The following SBNO2 variants were observed in gnomAD, a reference collection of about 807,000 sequenced individuals.
SBNO2 encodes the protein protein strawberry notch homolog 2.
In SBNO2, 89 loss-of-function variants were observed where a neutral mutation model predicts 146.3. The ratio of observed to expected loss-of-function variants is 0.61; its 90% CI spans 0.51 to 0.73. SBNO2 has a LOEUF of 0.73. Ranked by LOEUF, SBNO2 falls within the 30% of genes least tolerant of loss-of-function variation. SBNO2 has a pLI of 0.00. For missense variants in SBNO2, 2,092 were observed against 2,003.7 expected (o/e 1.04, Z -0.84); for synonymous variants, 1,147 against 892.6 (o/e 1.29, Z -5.08).
chr19:1,153,621 T>A (rs1014474406), intron 2 of SBNO2, among the ~76,000 whole-genome samples: 1 of 151,852 alleles, frequency 6.6e-6, no homozygotes, highest in Non-Finnish European at 1.5e-5. Flanking sequence ...CACTGCAGCC[T>A]CTGCCTCCTA....
At chr19:1,152,391 C>G (rs1460816818) in intron 2 of SBNO2, among the ~76,000 whole-genome samples, 1 of 152,160 alleles carries the variant, frequency 6.6e-6, no homozygotes, top group African/African-American at 2.4e-5. Context: ...TGGATTAGTC[C>G]CCAGGGTGTG....
chr19:1,123,321 C>A (rs1391490035), intron 7 of SBNO2, among the ~76,000 whole-genome samples: 1 of 152,086 alleles, frequency 6.6e-6, no homozygotes, highest in East Asian at 1.9e-4. Flanking sequence ...TAAAAATCCT[C>A]CCAGTGCCTC....
rs928023885 is a variant in SBNO2, at chr19:1,122,574, G to A, written c.915-16C>T. The A allele has an allele frequency of 4.9e-5, 75 of 1,526,488 alleles. No individual in the cohort carries two copies. Among genetic ancestry groups the A allele is most frequent in the African/African-American group, 1.2e-4 (9 of 72,662 alleles). 94.6% of individuals were successfully genotyped at this position (1,526,488 alleles called of 1,614,324 possible). ...GACGCTGAACCTGCGGGGTGGGGGC[G>A]TCAGGCGCGCCCACCCTTCCCCCTC... On this transcript the variant is annotated splice_polypyrimidine_tract_variant and intron_variant, in intron 9 of 31. Coordinates refer to ENST00000361757, the MANE Select transcript of SBNO2 (RefSeq NM_014963.3).
At chr19:1,127,086 G>A (rs201404137) in intron 5 of SBNO2, among the ~76,000 whole-genome samples, 5 of 152,188 alleles carry the variant, frequency 3.3e-5, no homozygotes, top group Non-Finnish European at 5.9e-5. Context: ...CCCCACTAGC[G>A]GGGACACGGC....
In SBNO2 at chr19:1,112,394, G is replaced by T. The variant is rs1213977749; in HGVS notation, c.2515+8C>A. The T allele has an allele frequency of 6.3e-7, 1 of 1,597,506 alleles. No homozygotes were observed. The highest frequency in any genetic ancestry group is 8.5e-7 in the Non-Finnish European group (1 of 1,175,452). On this transcript the variant is annotated splice_region_variant and intron_variant, in intron 21 of 31. Transcript: ENST00000361757. The surrounding 1 kb of genome is among the most constrained non-coding windows in gnomAD (Gnocchi z 5.9). Reference sequence around the variant, plus strand: ...GCCAGGCAGCGCTGGGGGCGGGGCCGGACTCACCGAACTGCTGGATGGCGC... The same window carrying T: ...GCCAGGCAGCGCTGGGGGCGGGGCCTGACTCACCGAACTGCTGGATGGCGC...
At chr19:1,130,868 G>C (rs1013926642) in intron 4 of SBNO2, among the ~76,000 whole-genome samples, 3 of 152,166 alleles carry the variant, frequency 2.0e-5, no homozygotes, top group Non-Finnish European at 4.4e-5. Context: ...ACGCAGCCTC[G>C]AGGCCCCGCC....
rs2080088008 is a variant in SBNO2, at chr19:1,136,742, A to G, written c.280-8977T>C. Among the ~76,000 whole-genome samples the G allele has an allele frequency of 6.6e-6, 1 of 152,174 alleles. No individual in the cohort carries two copies. The highest frequency in any genetic ancestry group is 6.5e-5 in the Admixed American group (1 of 15,280). ...AGGCATCTGACCCCTGCTGAAACGC[A>G]TCTGCAGAACAGTCAATGCTGCCTG... On this transcript the variant is annotated intron_variant, in intron 4 of 31. Coordinates refer to ENST00000361757, the MANE Select transcript of SBNO2 (RefSeq NM_014963.3). The surrounding 1 kb of genome is among the most constrained non-coding windows in gnomAD (Gnocchi z 4.2).
intron 4 of SBNO2, 63 bp downstream of exon 4, chr19:1,147,246 C>G: frequency 8.8e-7 from 1 of 1,136,608 alleles, no homozygotes; most frequent in Admixed American, 2.2e-5. Flanking sequence ...CGCAGGGCAG[C>G]TGGAGGGGCG....
At position 1,123,018 on chromosome 19, in the gene SBNO2, C is replaced by T. The variant is rs370192442; in HGVS notation, c.656G>A (p.Arg219His). The change falls in exon 8 of 32, where the codon CGC becomes CAC. Residue 219 changes from arginine to histidine, a missense_variant. Transcript: ENST00000361757. ...GGACAGTGTGCTGGTCTCCACCACG[C>T]GGTCTGGGTGCTGCTTCCCGATCTT... is the stretch of plus-strand genomic sequence containing the variant. ...KSKIGKQHPDRVVETSTLSSV... is the reference protein window; with the variant it reads ...KSKIGKQHPDHVVETSTLSSV... 6.9e-6 allele frequency: 11 copies of T among 1,590,054 alleles called. No homozygotes were observed. The highest frequency in any genetic ancestry group is 5.3e-5 in the Admixed American group (3 of 56,216).
rs5826725 is a variant in SBNO2, at chr19:1,147,432, TG to T, written c.168-13del. ...AGCTCATGAACGGGCTGGAGGGAGA[TG>T]GGGGGGGGGGAGGTGAGATGGGGTG... On this transcript the variant is annotated splice_polypyrimidine_tract_variant and intron_variant, in intron 3 of 31. Coordinates refer to ENST00000361757, the MANE Select transcript of SBNO2 (RefSeq NM_014963.3). 89,044 of 646,660 alleles carry T rather than the reference TG, an allele frequency of 0.14. 1,060 individuals are homozygous for T. Among genetic ancestry groups the T allele is most frequent in the African/African-American group, 0.2 (7,539 of 38,600 alleles). 40.1% of individuals were successfully genotyped at this position (646,660 alleles called of 1,614,324 possible). A position where few individuals can be genotyped will look rare whatever the true frequency, so the allele number is the denominator to read the frequency against.
intron 4 of SBNO2, among the ~76,000 whole-genome samples, chr19:1,139,717 C>T (rs537112835): frequency 2.6e-5 from 4 of 151,934 alleles, no homozygotes; most frequent in Admixed American, 2.0e-4. Context: ...ATCACTTGAA[C>T]CAGGCAAGCA....
rs1171711476 is a variant in SBNO2, at chr19:1,140,314, A to G, written c.279+6995T>C. Among the ~76,000 whole-genome samples, 1 of 151,306 alleles carries G rather than the reference A, an allele frequency of 6.6e-6. No individual in the cohort carries two copies. Among genetic ancestry groups the G allele is most frequent in the Non-Finnish European group, 1.5e-5 (1 of 67,802 alleles). On this transcript the variant is annotated intron_variant, in intron 4 of 31. Transcript: ENST00000361757. This position sits in a 1 kb window ranked among gnomAD's most constrained non-coding sequence, Gnocchi z 4.4. The stretch of plus-strand genomic sequence containing the variant: ...GATTTCATCTCAAAAAAAAAAAAAA[A>G]GCAGCAGCAACACAGAGCCACGTGT...
At chr19:1,137,097 G>A (rs1036560759) in intron 4 of SBNO2, among the ~76,000 whole-genome samples, 15 of 149,566 alleles carry the variant, frequency 1.0e-4, no homozygotes, top group African/African-American at 3.2e-4. Context: ...AGGAACAGGC[G>A]GCAAGGGATG....
In SBNO2 at chr19:1,168,406, C is replaced by T. The variant is rs572048032; in HGVS notation, c.-127+5766G>A. Among the ~76,000 whole-genome samples, 194 of 152,260 alleles carry T rather than the reference C, an allele frequency of 1.3e-3. 2 individuals carry two copies. The highest frequency in any genetic ancestry group is 4.4e-3 in the African/African-American group (184 of 41,554). On this transcript the variant is annotated intron_variant, in intron 1 of 31. Transcript: ENST00000361757. The stretch of plus-strand genomic sequence containing the variant: ...AGCGCCCAGCTGAGTGAGACCCACC[C>T]GGTAGCTTCCGGGGCTGGGCCCCTG...
intron 4 of SBNO2, among the ~76,000 whole-genome samples, chr19:1,143,503 A>C (rs937802726): frequency 6.6e-6 from 1 of 152,144 alleles, no homozygotes; most frequent in Non-Finnish European, 1.5e-5. Context: ...TATATAAATG[A>C]AACACACACT....
chr19:1,123,548 T>A lies in SBNO2; in HGVS notation c.614A>T (p.Tyr205Phe). ...ELGHTETYAD[Y>F]VPSKSKIGKQ... ...GGGCCACTCACACTTGGACGGCACG[T>A]AGTCGGCGTAGGTCTCTGTGTGCCC... The change falls in exon 7 of 32, where the codon TAC (tyrosine) becomes TTC (phenylalanine). Residue 205 changes from tyrosine (Y) to phenylalanine (F), a missense_variant. Coordinates refer to ENST00000361757, the MANE Select transcript of SBNO2 (RefSeq NM_014963.3). 6.2e-7 allele frequency: 1 copy of A among 1,613,440 alleles called. No homozygotes were observed. The highest frequency in any genetic ancestry group is 8.5e-7 in the Non-Finnish European group (1 of 1,179,734).
chr19:1,111,905 C>T, intron 23 of SBNO2, 91 bp downstream of exon 23: 1 of 1,228,576 alleles, frequency 8.1e-7, no homozygotes. Flanking sequence ...TTCTCCAGCC[C>T]CCATCTACCC....
chr19:1,132,126 C>T (rs746105401), intron 4 of SBNO2: 1 of 1,527,242 alleles, frequency 6.5e-7, no homozygotes. Flanking sequence ...ACAGCTGCAG[C>T]TGGGACATGG....
intron 1 of SBNO2, among the ~76,000 whole-genome samples, chr19:1,172,881 C>G (rs2145369485): frequency 1.3e-5 from 2 of 150,740 alleles, no homozygotes; most frequent in Admixed American, 1.3e-4. Context: ...CCAAACCTAT[C>G]CCGTCCCGTC....
Sources: allele counts gnomAD v4.1 joint callset (sites outside exome capture counted in the v4.1 genomes callset), GRCh38; gene constraint gnomAD v4.1.1; non-coding constraint Gnocchi (gnomAD v3.1); transcripts MANE v1.5; gene names NCBI Gene and HGNC (gene_info 2026-07-23, HGNC 2026-07-21).